The following ANKS1B variants were observed in gnomAD, a reference collection of about 807,000 sequenced individuals.
ANKS1B encodes the protein ankyrin repeat and sterile alpha motif domain containing 1B.
ANKS1B carries 36 observed loss-of-function variants against 148.3 expected under a neutral mutation model. That is an observed-to-expected ratio of 0.24 (90% confidence interval 0.19 to 0.32). The LOEUF (loss-of-function observed/expected upper bound fraction) is 0.32, where lower values mean the gene tolerates loss of function less well. Ranked by LOEUF, ANKS1B falls within the 10% of genes least tolerant of loss-of-function variation. The pLI is 1.00. For synonymous variants in ANKS1B, 542 were observed against 560.8 expected (o/e 0.97, Z 0.47); for missense variants, 1,157 against 1,542.6 (o/e 0.75, Z 4.19).
At chr12:99,167,673 A>G (rs1000443528) in intron 14 of ANKS1B, among the ~76,000 whole-genome samples, 2 of 152,188 alleles carry the variant, frequency 1.3e-5, no homozygotes, top group Non-Finnish European at 2.9e-5. Context: ...CATCCACTAG[A>G]TGACCCAGCC....
chr12:99,243,846 A>G (rs2089803596), intron 14 of ANKS1B, among the ~76,000 whole-genome samples: 1 of 152,158 alleles, frequency 6.6e-6, no homozygotes, highest in Admixed American at 6.5e-5. Flanking sequence ...AGGGTGGGGA[A>G]CATCACATGC....
In ANKS1B at chr12:99,897,908, G is replaced by A. The variant is rs1156863980; in HGVS notation, c.135-72519C>T. 4.1e-5 allele frequency among the ~76,000 whole-genome samples: 6 copies of A among 145,866 alleles called. 1 individual carries two copies. Among genetic ancestry groups the A allele is most frequent in the Admixed American group, 1.4e-4 (2 of 14,492 alleles). On this transcript the variant is annotated intron_variant, in intron 1 of 26. Coordinates refer to ENST00000683438, the MANE Select transcript of ANKS1B (RefSeq NM_001352186.2). ...CATCCAGCAAACAGTTTTCCCAAAT[G>A]CAGAGTTCTTAGAAGAGAATGATGG...
chr12:98,997,404 A>AT (rs34655015), intron 17 of ANKS1B, among the ~76,000 whole-genome samples: 1,897 of 138,306 alleles, frequency 0.014, 19 homozygotes, highest in African/African-American at 0.022. Context: ...AGTGTTTGCA[A>AT]TTTTTTTTTT....
intron 10 of ANKS1B, among the ~76,000 whole-genome samples, chr12:99,503,679 A>G (rs12581077): frequency 0.028 from 4,270 of 152,066 alleles, 84 homozygotes; most frequent in South Asian, 0.087. Flanking sequence ...CCATTTCCCA[A>G]TGTCTCACTA....
intron 1 of ANKS1B, among the ~76,000 whole-genome samples, chr12:99,939,340 T>C (rs2094859522): frequency 6.6e-6 from 1 of 152,134 alleles, no homozygotes; most frequent in Non-Finnish European, 1.5e-5. Flanking sequence ...TCCTCCCACC[T>C]CAGCCTCCCA....
intron 8 of ANKS1B, among the ~76,000 whole-genome samples, chr12:99,655,807 C>A (rs2098447121): frequency 6.6e-6 from 1 of 152,040 alleles, no homozygotes; most frequent in Non-Finnish European, 1.5e-5. Context: ...ATAAGGATGA[C>A]AGGAGAGATG....
intron 17 of ANKS1B, among the ~76,000 whole-genome samples, chr12:98,886,548 T>C (rs79294862): frequency 0.011 from 1,717 of 152,298 alleles, 27 homozygotes; most frequent in African/African-American, 0.039. Flanking sequence ...TAGGTAACAA[T>C]GTAAGTAGAA....
Position 98,881,573 on chromosome 12 carries a change from T to C in ANKS1B, c.2779-49437A>G, listed in dbSNP as rs545834064. Among the ~76,000 whole-genome samples, 153 of 152,152 alleles carry C rather than the reference T, an allele frequency of 1.0e-3. 1 individual carries two copies. Among genetic ancestry groups the C allele is most frequent in the Non-Finnish European group, 7.2e-4 (49 of 67,988 alleles). On this transcript the variant is annotated intron_variant, in intron 17 of 26. Transcript: ENST00000683438. ...CATCAAAAAATAGTTTCTGAACAAA[T>C]ATTATCCAAGATTTTTCTTATGCTA... is the stretch of plus-strand genomic sequence containing the variant.
chr12:99,607,763 T>C (rs977051032), intron 9 of ANKS1B, among the ~76,000 whole-genome samples: 1 of 152,160 alleles, frequency 6.6e-6, no homozygotes, highest in Non-Finnish European at 1.5e-5. Flanking sequence ...CCCTGAATTT[T>C]GTATTTCCAG....
intron 8 of ANKS1B, among the ~76,000 whole-genome samples, chr12:99,712,871 G>A (rs2056824310): frequency 6.6e-6 from 1 of 151,212 alleles, no homozygotes; most frequent in Non-Finnish European, 1.5e-5. Context: ...TCCATCCTCT[G>A]GGCCCGTGGC....
At chr12:99,361,064 T>C (rs1169193974) in intron 12 of ANKS1B, among the ~76,000 whole-genome samples, 1 of 152,038 alleles carries the variant, frequency 6.6e-6, no homozygotes, top group Admixed American at 6.6e-5. Context: ...AGGGTGACTA[T>C]AGGGTGACTA....
At chr12:99,697,354 A>T (rs1215615362) in intron 8 of ANKS1B, among the ~76,000 whole-genome samples, 2 of 152,192 alleles carry the variant, frequency 1.3e-5, no homozygotes, top group East Asian at 3.8e-4. Flanking sequence ...AGTCAGTGGA[A>T]CAGATAAACA....
intron 12 of ANKS1B, among the ~76,000 whole-genome samples, chr12:99,307,133 G>T (rs887106436): frequency 7.2e-5 from 11 of 152,070 alleles, no homozygotes; most frequent in African/African-American, 2.7e-4. Flanking sequence ...ACTGAAGGTG[G>T]GGACAGAATG....
At chr12:99,902,963 G>A (rs376286642) in intron 1 of ANKS1B, among the ~76,000 whole-genome samples, 4 of 151,704 alleles carry the variant, frequency 2.6e-5, no homozygotes, top group African/African-American at 4.8e-5. Flanking sequence ...GACAGGGTTC[G>A]CCATGTTAGC....
chr12:98,829,111 T>A lies in ANKS1B; in HGVS notation c.3066+63A>T. 6.3e-7 allele frequency: 1 copy of A among 1,580,712 alleles called. No individual in the cohort carries two copies. Among genetic ancestry groups the A allele is most frequent in the South Asian group, 1.1e-5 (1 of 89,370 alleles). On this transcript the variant is annotated intron_variant, in intron 19 of 26. Transcript: ENST00000683438. This position sits in a 1 kb window ranked among gnomAD's most constrained non-coding sequence, Gnocchi z 5.2. The stretch of plus-strand genomic sequence containing the variant: ...ATAAGCATCCATAGGAAGCTACTGT[T>A]CACTATTAAAAGGCATTACCTGATA...
At chr12:99,345,645 G>C (rs995723420) in intron 12 of ANKS1B, among the ~76,000 whole-genome samples, 3 of 151,958 alleles carry the variant, frequency 2.0e-5, no homozygotes, top group Non-Finnish European at 4.4e-5. Flanking sequence ...AGGTTGCACA[G>C]AGAGTTAGTG....
intron 8 of ANKS1B, among the ~76,000 whole-genome samples, chr12:99,689,699 GACAGCC>G (rs1370240967): frequency 2.6e-5 from 4 of 152,166 alleles, no homozygotes; most frequent in Non-Finnish European, 5.9e-5. Context: ...CATGCACTGA[GACAGCC>G]ATGTGGCTAG....
chr12:99,058,231 C>CT (rs1032294121), intron 16 of ANKS1B, among the ~76,000 whole-genome samples: 9,945 of 124,592 alleles, frequency 0.08, 502 homozygotes, highest in Admixed American at 0.13. Context: ...CATGCCACAT[C>CT]TTTTTTTTTT....
intron 17 of ANKS1B, among the ~76,000 whole-genome samples, chr12:98,994,380 C>A (rs1309085599): frequency 6.6e-6 from 1 of 152,148 alleles, no homozygotes; most frequent in Non-Finnish European, 1.5e-5. Flanking sequence ...CTTTGGGAGG[C>A]TGAGGCAGGT....
Sources: gnomAD v4.1 joint callset for allele counts (sites outside exome capture counted in the v4.1 genomes callset) on GRCh38, gnomAD v4.1.1 for gene constraint, Gnocchi (gnomAD v3.1) non-coding constraint, MANE v1.5 for transcripts, NCBI Gene and HGNC (gene_info 2026-07-23, HGNC 2026-07-21) for gene names.